COL21A1: variants seen among roughly 807,000 people sequenced by gnomAD.
COL21A1 encodes collagen type XXI alpha 1 chain.
A neutral mutation model predicts 137.9 loss-of-function variants in COL21A1; 149 were observed. That is an observed-to-expected ratio of 1.08 (90% confidence interval 0.95 to 1.24). The LOEUF (loss-of-function observed/expected upper bound fraction) is 1.24, where lower values mean the gene tolerates loss of function less well. COL21A1 is among the 50% of genes most tolerant of loss of function. COL21A1 has a pLI of 0.00. For synonymous variants in COL21A1, 456 were observed against 391.5 expected, an observed-to-expected ratio of 1.16 and a Z score of -1.95; for missense variants, 1,167 against 1,158.4, an observed-to-expected ratio of 1.01 and a Z score of -0.11.
At chr6:56,173,222 A>T (rs1421959988) in intron 3 of COL21A1, among the ~76,000 whole-genome samples, 1 of 152,038 alleles carries the variant, frequency 6.6e-6, no homozygotes, top group Non-Finnish European at 1.5e-5. Context: ...AACAAAAAAC[A>T]ACAAAATTAG....
chr6:56,240,345 A>C (rs1002648255), intron 1 of COL21A1, among the ~76,000 whole-genome samples: 3 of 152,102 alleles, frequency 2.0e-5, no homozygotes, highest in Non-Finnish European at 2.9e-5. Flanking sequence ...ATGAGGCGCC[A>C]CCCTGGAAGC....
chr6:56,320,049 A>T (rs1414248992), intron 1 of COL21A1, among the ~76,000 whole-genome samples: 2 of 152,116 alleles, frequency 1.3e-5, no homozygotes, highest in Admixed American at 1.3e-4. Context: ...TGACACCTCT[A>T]CTTGGATACT....
At chr6:56,067,274 A>T (rs748554795) in intron 23 of COL21A1, 21 bp downstream of exon 23, 100 of 1,563,112 alleles carry the variant, frequency 6.4e-5, no homozygotes, top group Non-Finnish European at 4.1e-5. Flanking sequence ...TCAGCCTACT[A>T]AAAAAAAGCA....
intron 7 of COL21A1, among the ~76,000 whole-genome samples, chr6:56,165,390 A>G (rs1776495750): frequency 6.6e-6 from 1 of 152,226 alleles, no homozygotes; most frequent in African/African-American, 2.4e-5. Flanking sequence ...ATCTGAGAGT[A>G]AGGAAGGAGA....
Position 56,095,895 on chromosome 6 carries a change from G to A in COL21A1, c.1812+5577C>T, listed in dbSNP as rs1582319427. ...AGAGTCTCACTCTGTCACCCAGGCT[G>A]GAGTGCAGTGGCATGATCTTGGCTC... On this transcript the variant is annotated intron_variant, in intron 17 of 29. Transcript: ENST00000244728. Among the ~76,000 whole-genome samples the A allele has an allele frequency of 3.3e-5, 5 of 152,188 alleles. 1 individual carries two copies. In the South Asian group the frequency reaches 1.0e-3, roughly 32 times the overall value.
Position 56,182,610 on chromosome 6 carries a change from G to T in COL21A1, c.9C>A (p.His3Gln), listed in dbSNP as rs61738362. MA[H>Q]YITFLCMVLV... ...AAACCATGCAGAGAAATGTAATATA[G>T]TGAGCCATGTTTCTGTTTTCGTTCT... Residue 3 changes from histidine to glutamine, a missense_variant, in exon 2 of 30, where the codon CAC (histidine) becomes CAA (glutamine). By Grantham distance (24) the His-to-Gln change is conservative. Coordinates refer to ENST00000244728, the MANE Select transcript of COL21A1 (RefSeq NM_030820.4). 6.3e-7 allele frequency: 1 copy of T among 1,599,452 alleles called. No homozygotes were observed. The highest frequency in any genetic ancestry group is 1.1e-5 in the South Asian group (1 of 88,696).
chr6:56,267,000 C>T (rs1763408286), intron 1 of COL21A1, among the ~76,000 whole-genome samples: 1 of 152,068 alleles, frequency 6.6e-6, no homozygotes, highest in African/African-American at 2.4e-5. Context: ...TTGACTTTAG[C>T]CTAAGGAAGA....
chr6:56,212,131 T>C (rs983040547), intron 1 of COL21A1, among the ~76,000 whole-genome samples: 3 of 152,074 alleles, frequency 2.0e-5, no homozygotes, highest in African/African-American at 7.2e-5. Flanking sequence ...TTTCTTATAT[T>C]CAAATTGTAT....
At chr6:56,278,736 T>G (rs182612912) in intron 1 of COL21A1, among the ~76,000 whole-genome samples, 1 of 152,322 alleles carries the variant, frequency 6.6e-6, no homozygotes, top group Admixed American at 6.5e-5. Flanking sequence ...AATTTCCCCA[T>G]GTCACACCGA....
intron 1 of COL21A1, among the ~76,000 whole-genome samples, chr6:56,316,454 C>T (rs1764737034): frequency 7.6e-6 from 1 of 131,930 alleles, no homozygotes; most frequent in East Asian, 2.3e-4. Context: ...ATTAAAAGCA[C>T]ACCTTTTAAA....
chr6:56,323,510 C>G (rs2152341805), intron 1 of COL21A1, among the ~76,000 whole-genome samples: 1 of 152,272 alleles, frequency 6.6e-6, no homozygotes, highest in Non-Finnish European at 1.5e-5. Flanking sequence ...CTGCCTCAGC[C>G]TCCCTAGTAG....
intron 17 of COL21A1, among the ~76,000 whole-genome samples, chr6:56,081,808 C>T (rs1464908437): frequency 6.6e-6 from 1 of 151,844 alleles, no homozygotes; most frequent in African/African-American, 2.4e-5. Flanking sequence ...GACAAGGGCC[C>T]ACTTGGGACA....
chr6:56,325,834 C>T (rs1184472781), intron 1 of COL21A1, among the ~76,000 whole-genome samples: 1 of 4,808 alleles, frequency 2.1e-4, no homozygotes, highest in African/African-American at 6.0e-4. Context: ...ATATGTTATA[C>T]ATATTATATA....
At chr6:56,313,921 C>T (rs1038402386) in intron 1 of COL21A1, among the ~76,000 whole-genome samples, 1 of 152,170 alleles carries the variant, frequency 6.6e-6, no homozygotes, top group African/African-American at 2.4e-5. Flanking sequence ...CTTGCGTCTG[C>T]TCCATTCAGT....
chr6:56,142,486 C>T (rs1272650689), intron 10 of COL21A1, among the ~76,000 whole-genome samples: 1 of 152,146 alleles, frequency 6.6e-6, no homozygotes, highest in East Asian at 1.9e-4. Flanking sequence ...GTGGTTATGA[C>T]ATATCCTCCA....
At chr6:56,299,629 T>C (rs927673323) in intron 1 of COL21A1, among the ~76,000 whole-genome samples, 7 of 152,142 alleles carry the variant, frequency 4.6e-5, no homozygotes, top group Non-Finnish European at 8.8e-5. Flanking sequence ...AAATATTTCA[T>C]GTGAAATCAC....
intron 1 of COL21A1, among the ~76,000 whole-genome samples, chr6:56,304,148 G>A (rs2152337989): frequency 6.6e-6 from 1 of 152,218 alleles, no homozygotes; most frequent in Non-Finnish European, 1.5e-5. Context: ...ATTTTATTGA[G>A]GATTTTTGCA....
At chr6:56,254,040 C>A (rs1254591271) in intron 1 of COL21A1, among the ~76,000 whole-genome samples, 4 of 152,256 alleles carry the variant, frequency 2.6e-5, no homozygotes, top group Non-Finnish European at 5.9e-5. Flanking sequence ...ATTTTATCAT[C>A]CTCAATTTCA....
At chr6:56,168,049 G>A (rs1462963097) in intron 6 of COL21A1, 75 bp downstream of exon 6, 6 of 997,902 alleles carry the variant, frequency 6.0e-6, no homozygotes, top group African/African-American at 1.6e-5. Flanking sequence ...ATGATTAAAT[G>A]TGGTGAAAAC....
Sources: allele counts gnomAD v4.1 joint callset (sites outside exome capture counted in the v4.1 genomes callset), GRCh38; gene constraint gnomAD v4.1.1; transcripts MANE v1.5; gene names NCBI Gene and HGNC (gene_info 2026-07-23, HGNC 2026-07-21).